CADPS: variants seen among roughly 807,000 people sequenced by gnomAD.
The protein encoded by CADPS is calcium dependent secretion activator.
CADPS carries 57 observed loss-of-function variants against 167.3 expected under a neutral mutation model. The ratio of observed to expected loss-of-function variants is 0.34; its 90% confidence interval spans 0.28 to 0.42. CADPS has a LOEUF of 0.42. CADPS is among the 20% of genes least tolerant of loss of function. CADPS has a pLI of 1.00. For missense variants in CADPS, 1,414 were observed against 1,738.1 expected, an observed-to-expected ratio of 0.81 and a Z score of 3.32; for synonymous variants, 676 against 635.3, an observed-to-expected ratio of 1.06 and a Z score of -0.96.
chr3:62,861,229 G>A (rs1362136084), intron 1 of CADPS, among the ~76,000 whole-genome samples: 1 of 152,190 alleles, frequency 6.6e-6, no homozygotes, highest in Non-Finnish European at 1.5e-5. Context: ...GTGTCATTAT[G>A]TGGTTCACAA....
At chr3:62,869,852 A>G (rs759659677) in intron 1 of CADPS, among the ~76,000 whole-genome samples, 11 of 152,062 alleles carry the variant, frequency 7.2e-5, no homozygotes, top group Non-Finnish European at 1.3e-4. Flanking sequence ...CCTGTCCCCA[A>G]ATCACAGATG....
rs1040314979 is a variant in CADPS at position 62,412,185 on chromosome 3, T to A, written c.3778-9000A>T. 2.7e-5 allele frequency among the ~76,000 whole-genome samples: 4 copies of A among 149,086 alleles called. No homozygotes were observed. Among genetic ancestry groups the A allele is most frequent in the Admixed American group, 1.4e-4 (2 of 14,800 alleles). On this transcript the variant is annotated intron_variant, in intron 28 of 29. Coordinates refer to ENST00000383710, the MANE Select transcript of CADPS (RefSeq NM_003716.4). This position sits in a 1 kb window ranked among gnomAD's most constrained non-coding sequence, Gnocchi z 4.1. ...TTTTTAACGTCCGTAATTCTTTGGATACCTGAAAACCCATGCCACTGAAGT... is the reference window on the plus strand; with the variant it reads ...TTTTTAACGTCCGTAATTCTTTGGAAACCTGAAAACCCATGCCACTGAAGT...
chr3:62,768,400 C>T (rs970550886), intron 1 of CADPS, among the ~76,000 whole-genome samples: 3 of 152,070 alleles, frequency 2.0e-5, no homozygotes, highest in Non-Finnish European at 4.4e-5. Context: ...GGAATGGAGG[C>T]CTATAGACCT....
chr3:62,693,993 G>A (rs2079745671), intron 3 of CADPS, among the ~76,000 whole-genome samples: 1 of 152,062 alleles, frequency 6.6e-6, no homozygotes, highest in Non-Finnish European at 1.5e-5. Context: ...GGAGGACAAA[G>A]TGACATGTTC....
chr3:62,864,516 C>T (rs1436649758), intron 1 of CADPS, among the ~76,000 whole-genome samples: 2 of 152,142 alleles, frequency 1.3e-5, no homozygotes, highest in Non-Finnish European at 2.9e-5. Flanking sequence ...TTCCATGCCT[C>T]TCCCCTAGTT....
In CADPS at chr3:62,438,344, G is replaced by T; in HGVS notation, c.3670-133C>A. The T allele has an allele frequency of 1.5e-6, 1 of 649,904 alleles. No individual in the cohort carries two copies. The highest frequency in any genetic ancestry group is 1.9e-5 in the South Asian group (1 of 53,252). 40.3% of individuals were successfully genotyped at this position (649,904 alleles called of 1,614,324 possible). A position where few individuals can be genotyped will look rare whatever the true frequency, so the allele number is the denominator to read the frequency against. On this transcript the variant is annotated intron_variant, in intron 27 of 29. Transcript: ENST00000383710. This position sits in a 1 kb window ranked among gnomAD's most constrained non-coding sequence, Gnocchi z 4.7. ...TGCTGGATCAGCTTTGTAGGCATGG[G>T]ATTGCTGTCCACAGCCTGGGCTGGT...
intron 3 of CADPS, among the ~76,000 whole-genome samples, chr3:62,735,554 G>A (rs537065): frequency 0.32 from 48,846 of 151,970 alleles, 8,550 homozygotes; most frequent in African/African-American, 0.46. Flanking sequence ...GCCTGTGCTA[G>A]TATCCATTTT....
At chr3:62,447,685 C>T (rs2057426144) in intron 26 of CADPS, among the ~76,000 whole-genome samples, 1 of 152,144 alleles carries the variant, frequency 6.6e-6, no homozygotes, top group African/African-American at 2.4e-5. Flanking sequence ...AGTCTGAAAA[C>T]CAACATAGTT....
intron 3 of CADPS, among the ~76,000 whole-genome samples, chr3:62,687,940 G>A (rs1448249581): frequency 6.6e-6 from 1 of 151,912 alleles, no homozygotes; most frequent in Non-Finnish European, 1.5e-5. Context: ...GAAAGGTAAA[G>A]AAAAATTCCT....
At chr3:62,621,561 T>C (rs2063169847) in intron 6 of CADPS, among the ~76,000 whole-genome samples, 1 of 152,186 alleles carries the variant, frequency 6.6e-6, no homozygotes, top group Admixed American at 6.6e-5. Flanking sequence ...GAAATATACA[T>C]AATTACAATT....
chr3:62,407,314 G>A (rs1386672833), intron 28 of CADPS, among the ~76,000 whole-genome samples: 1 of 152,184 alleles, frequency 6.6e-6, no homozygotes, highest in Non-Finnish European at 1.5e-5. Context: ...ATGCCTTATA[G>A]GACACACAAG....
intron 6 of CADPS, among the ~76,000 whole-genome samples, chr3:62,631,715 T>C (rs957551104): frequency 6.6e-6 from 1 of 152,148 alleles, no homozygotes; most frequent in African/African-American, 2.4e-5. Context: ...GTGACCTTCA[T>C]TTGAGCACAA....
chr3:62,484,368 A>G (rs562644429), intron 21 of CADPS, among the ~76,000 whole-genome samples: 14 of 152,346 alleles, frequency 9.2e-5, no homozygotes, highest in Middle Eastern at 6.8e-3. Context: ...AGTAGCACTT[A>G]GTTCCAATCA....
intron 6 of CADPS, among the ~76,000 whole-genome samples, chr3:62,638,077 T>TATATATATATA (rs2066661518): frequency 2.7e-5 from 1 of 36,766 alleles, no homozygotes; most frequent in Non-Finnish European, 1.6e-4. Context: ...GTTTTAAGCA[T>TATATATATATA]TATATATATA....
chr3:62,647,509 T>C (rs1252162043), intron 5 of CADPS, among the ~76,000 whole-genome samples: 2 of 152,222 alleles, frequency 1.3e-5, no homozygotes, highest in Non-Finnish European at 2.9e-5. Flanking sequence ...ATTGTACTAC[T>C]CGCGTGATGT....
chr3:62,540,018 C>T (rs998769118), intron 11 of CADPS, among the ~76,000 whole-genome samples: 4 of 152,072 alleles, frequency 2.6e-5, no homozygotes, highest in Non-Finnish European at 4.4e-5. Flanking sequence ...AGAGAAGTAC[C>T]TGGAAAGTAC....
At chr3:62,731,399 A>G (rs915280076) in intron 3 of CADPS, among the ~76,000 whole-genome samples, 2 of 152,132 alleles carry the variant, frequency 1.3e-5, no homozygotes, top group African/African-American at 4.8e-5. Context: ...GGAGAAGGCA[A>G]GGTAAGGAGA....
intron 5 of CADPS, among the ~76,000 whole-genome samples, chr3:62,648,690 T>G (rs1266363240): frequency 6.2e-4 from 1 of 1,604 alleles, no homozygotes; most frequent in African/African-American, 1.3e-3. Flanking sequence ...AGACGTTGTG[T>G]CAAAAAAAAA....
At chr3:62,546,766 G>A (rs1397143068) in intron 11 of CADPS, among the ~76,000 whole-genome samples, 1 of 152,082 alleles carries the variant, frequency 6.6e-6, no homozygotes, top group Admixed American at 6.6e-5. Flanking sequence ...GTAATCTAGA[G>A]ATGTTTCAAA....
Sources: gnomAD v4.1 joint callset for allele counts (sites outside exome capture counted in the v4.1 genomes callset) on GRCh38, gnomAD v4.1.1 for gene constraint, Gnocchi (gnomAD v3.1) non-coding constraint, MANE v1.5 for transcripts, NCBI Gene and HGNC (gene_info 2026-07-23, HGNC 2026-07-21) for gene names.